The following ZDHHC11B variants were observed in gnomAD, a reference collection of about 807,000 sequenced individuals.
ZDHHC11B encodes zDHHC palmitoyltransferase 11B (putative).
ZDHHC11B carries 17 observed loss-of-function variants against 42.3 expected under a neutral mutation model. That is an observed-to-expected ratio of 0.40 (90% CI 0.27 to 0.60). ZDHHC11B has a LOEUF of 0.60. ZDHHC11B is among the 20% of genes least tolerant of loss of function. The probability of loss-of-function intolerance (pLI) is 0.41; values close to 1 mark genes in which losing one functional copy is unlikely to be tolerated. For synonymous variants in ZDHHC11B, 123 were observed against 193.5 expected (o/e 0.64, Z 3.02); for missense variants, 262 against 463.2 (o/e 0.57, Z 3.99).
In ZDHHC11B at chr5:716,796, C is replaced by G. The variant is rs755979971; in HGVS notation, c.*7+5G>C. On this transcript the variant is annotated splice_donor_5th_base_variant and intron_variant, in intron 13 of 13. Transcript: ENST00000508859. ...CAACATGACCTGCACTGCCACGTAT[C>G]TTACCCGAATCTCAGTCTTCACTTT... is the stretch of plus-strand genomic sequence containing the variant. The G allele has an allele frequency of 1.9e-6, 3 of 1,613,052 alleles. No homozygotes were observed. The highest frequency in any genetic ancestry group is 4.5e-5 in the East Asian group (2 of 44,850).
At chr5:762,311 C>A (rs1734733381) in intron 4 of ZDHHC11B, among the ~76,000 whole-genome samples, 1 of 151,912 alleles carries the variant, frequency 6.6e-6, no homozygotes, top group African/African-American at 2.4e-5. Flanking sequence ...CAGCCCCAGA[C>A]AGCCACCTAC....
chr5:762,537 A>G (rs2150206640), intron 4 of ZDHHC11B, among the ~76,000 whole-genome samples: 2 of 151,888 alleles, frequency 1.3e-5, no homozygotes, highest in South Asian at 4.2e-4. Flanking sequence ...CCCAAGACCC[A>G]GAGACTGAGC....
At chr5:723,104 T>TG (rs5865339) in intron 12 of ZDHHC11B, among the ~76,000 whole-genome samples, 105,696 of 149,962 alleles carry the variant, frequency 0.7, 35,609 homozygotes, top group African/African-American at 0.91. Context: ...ATAAAGATGA[T>TG]TCAGACTCCG....
At chr5:756,443 A>C (rs10044944) in intron 4 of ZDHHC11B, among the ~76,000 whole-genome samples, 1 of 151,190 alleles carries the variant, frequency 6.6e-6, no homozygotes, top group East Asian at 1.9e-4. Context: ...GAGGCTACCC[A>C]TCGGCCCTGC....
intron 4 of ZDHHC11B, among the ~76,000 whole-genome samples, chr5:759,305 C>T (rs1254380122): frequency 4.6e-5 from 7 of 151,922 alleles, no homozygotes; most frequent in Middle Eastern, 3.2e-3. Context: ...CCCTGTTCTG[C>T]AGGCAGGAAA....
chr5:721,689 G>A (rs1398594442), intron 12 of ZDHHC11B, among the ~76,000 whole-genome samples: 19 of 151,708 alleles, frequency 1.3e-4, no homozygotes, highest in African/African-American at 2.4e-4. Context: ...AGGGTCTGAC[G>A]TCAGGACACC....
intron 4 of ZDHHC11B, among the ~76,000 whole-genome samples, chr5:757,049 C>T (rs1733957568): frequency 6.6e-6 from 1 of 151,810 alleles, no homozygotes; most frequent in Admixed American, 6.6e-5. Context: ...ACTGGAACGT[C>T]AGCTTCCGCC....
At chr5:731,744 G>A (rs1416733360) in intron 11 of ZDHHC11B, among the ~76,000 whole-genome samples, 2 of 151,850 alleles carry the variant, frequency 1.3e-5, no homozygotes, top group Non-Finnish European at 2.9e-5. Flanking sequence ...AGTGTTTTTG[G>A]TATCTATCAA....
intron 9 of ZDHHC11B, 87 bp from the exon 10 acceptor site, chr5:741,715 C>T (rs1744181202): frequency 6.5e-7 from 1 of 1,530,348 alleles, no homozygotes; most frequent in African/African-American, 1.4e-5. Context: ...TCTATTATTC[C>T]TGGGTTTTGA....
At chr5:718,695 C>CAAA (rs34009409) in intron 12 of ZDHHC11B, among the ~76,000 whole-genome samples, 52 of 117,026 alleles carry the variant, frequency 4.4e-4, no homozygotes, top group South Asian at 2.8e-3. Flanking sequence ...GACTCTGTCT[C>CAAA]AAAAAAAAAA....
chr5:738,587 T>C (rs1164002409), intron 10 of ZDHHC11B, among the ~76,000 whole-genome samples: 4 of 115,178 alleles, frequency 3.5e-5, no homozygotes, highest in South Asian at 3.5e-4. Flanking sequence ...GGAACTAATA[T>C]GGAAATAGGT....
chr5:760,757 G>A (rs146730715), intron 4 of ZDHHC11B, among the ~76,000 whole-genome samples: 78 of 151,858 alleles, frequency 5.1e-4, no homozygotes, highest in African/African-American at 1.8e-3. Context: ...AACAGAAAGC[G>A]ATATGCCTGA....
chr5:738,870 A>G lies in ZDHHC11B; in HGVS notation c.935+2724T>C, dbSNP rs441811. On this transcript the variant is annotated intron_variant, in intron 10 of 13. Transcript: ENST00000508859. ...AAAAACTTTTCTAGGCATTGACTTC[A>G]GCAAAGAGCTCATGACGAAGAATCC... 8.3e-4 allele frequency among the ~76,000 whole-genome samples: 125 copies of G among 150,240 alleles called. 2 individuals carry two copies. The highest frequency in any genetic ancestry group is 3.4e-3 in the Middle Eastern group (1 of 290).
At chr5:766,373 A>T (rs774653219) in intron 4 of ZDHHC11B, among the ~76,000 whole-genome samples, 2 of 151,874 alleles carry the variant, frequency 1.3e-5, no homozygotes, top group African/African-American at 4.8e-5. Flanking sequence ...ACGGCCTGAC[A>T]TGGGGTCAGC....
chr5:732,949 C>T (rs1344981870), intron 11 of ZDHHC11B, among the ~76,000 whole-genome samples: 9 of 151,846 alleles, frequency 5.9e-5, no homozygotes, highest in African/African-American at 1.5e-4. Context: ...TTCGGCTATT[C>T]GGGAGGCTGA....
intron 5 of ZDHHC11B, among the ~76,000 whole-genome samples, chr5:755,473 C>T (rs1048349980): frequency 6.8e-6 from 1 of 146,948 alleles, no homozygotes; most frequent in Non-Finnish European, 1.5e-5. Flanking sequence ...GCCTACAGGG[C>T]CTCCCTTGCA....
intron 1 of ZDHHC11B, among the ~76,000 whole-genome samples, chr5:773,956 C>T (rs1197364087): frequency 6.6e-6 from 1 of 151,918 alleles, no homozygotes; most frequent in Non-Finnish European, 1.5e-5. Context: ...AAGATGAGGG[C>T]AGAGGTGGCA....
At position 718,527 on chromosome 5, in the gene ZDHHC11B, AAAAC is replaced by A. The variant is rs1033661652; in HGVS notation, c.1059-1666_1059-1663del. Among the ~76,000 whole-genome samples the A allele has an allele frequency of 5.5e-4, 83 of 151,506 alleles. 3 individuals carry two copies. The highest frequency in any genetic ancestry group is 1.9e-3 in the African/African-American group (80 of 41,154). ...TCTCTACTAAAAATACAAAAATACA[AAAAC>A]AAACAAACAAACAAAAAAGCTGAAT... On this transcript the variant is annotated intron_variant, in intron 12 of 13. Coordinates refer to ENST00000508859, the MANE Select transcript of ZDHHC11B (RefSeq NM_001351303.2).
At chr5:736,888 A>T (rs1743585067) in intron 10 of ZDHHC11B, among the ~76,000 whole-genome samples, 1 of 131,444 alleles carries the variant, frequency 7.6e-6, no homozygotes, top group South Asian at 3.0e-4. Flanking sequence ...CAGACAATCT[A>T]AAGTCACACC....
Sources: allele counts gnomAD v4.1 joint callset (sites outside exome capture counted in the v4.1 genomes callset), GRCh38; gene constraint gnomAD v4.1.1; transcripts MANE v1.5; gene names NCBI Gene and HGNC (gene_info 2026-07-23, HGNC 2026-07-21).